GCLC: variants seen among roughly 807,000 people sequenced by gnomAD.
The protein encoded by GCLC is glutamate-cysteine ligase catalytic subunit, also known as glutamate--cysteine ligase catalytic subunit.
GCLC carries 30 observed loss-of-function variants against 81.5 expected under a neutral mutation model. That is an observed-to-expected ratio of 0.37 (90% CI 0.28 to 0.50). The LOEUF is 0.50. Ranked by LOEUF, GCLC falls within the 20% of genes least tolerant of loss-of-function variation. The pLI, the probability that GCLC is intolerant of heterozygous loss-of-function variation, is 0.96. For missense variants in GCLC, 556 were observed against 777.4 expected (o/e 0.72, Z 3.39); for synonymous variants, 262 against 273.3 (o/e 0.96, Z 0.41).
At chr6:53,514,390 A>G in intron 5 of GCLC, 49 bp downstream of exon 5, 1 of 1,590,902 alleles carries the variant, frequency 6.3e-7, no homozygotes, top group South Asian at 1.1e-5. Flanking sequence ...GGATTAAACA[A>G]CAATACAACA....
At position 53,531,468 on chromosome 6, in the gene GCLC, A is replaced by T. The variant is rs564222382; in HGVS notation, c.151-8941T>A. 3.9e-5 allele frequency among the ~76,000 whole-genome samples: 6 copies of T among 152,252 alleles called. No individual in the cohort carries two copies. The East Asian group carries it at 1.2e-3, about 29-fold the overall frequency. On this transcript the variant is annotated intron_variant, in intron 1 of 15. Coordinates refer to ENST00000650454, the MANE Select transcript of GCLC (RefSeq NM_001498.4). Reference sequence around the variant, plus strand: ...CAAGCAGGTCAAGTCACTCTCCTTGAAACTCTTAAATGGCTCACACTCAGC... The same window carrying T: ...CAAGCAGGTCAAGTCACTCTCCTTGTAACTCTTAAATGGCTCACACTCAGC...
chr6:53,544,527 C>T lies in GCLC; in HGVS notation c.119G>A (p.Arg40Gln). The change falls in exon 1 of 16, where the codon CGG becomes CAG. Residue 40 changes from arginine (R) to glutamine (Q), a missense_variant. Physicochemically the swap from Arg to Gln is conservative, Grantham distance 43. Transcript: ENST00000650454. ...GCCCCACTTGAGAACGTCCTTGTGC[C>T]GGTCCTTGACGGCGTGGTAGATGTG... ...FLHIYHAVKD[R>Q]HKDVLKWGDE... The T allele has an allele frequency of 6.2e-7, 1 of 1,609,044 alleles. No individual in the cohort carries two copies. The highest frequency in any genetic ancestry group is 8.5e-7 in the Non-Finnish European group (1 of 1,179,640).
In GCLC at chr6:53,499,039, T is replaced by C. The variant is rs1764445580; in HGVS notation, c.1703-72A>G. On this transcript the variant is annotated intron_variant, in intron 15 of 15. Coordinates refer to ENST00000650454, the MANE Select transcript of GCLC (RefSeq NM_001498.4). ...TTTTTTTTAATAAGTTGATATTTAG[T>C]GGTCAGCATAAACACAATTCTGGAG... 6 of 916,176 alleles carry C rather than the reference T, an allele frequency of 6.5e-6. 1 individual carries two copies. The highest frequency in any genetic ancestry group is 5.2e-5 in the South Asian group (4 of 76,594). The allele number at this position is 916,176 out of a possible 1,614,324, so 56.8% of individuals were successfully genotyped here.
chr6:53,533,504 G>T (rs1763206309), intron 1 of GCLC, among the ~76,000 whole-genome samples: 1 of 152,040 alleles, frequency 6.6e-6, no homozygotes, highest in African/African-American at 2.4e-5. Context: ...AATTAATTAA[G>T]ATTACTTTTT....
intron 1 of GCLC, among the ~76,000 whole-genome samples, chr6:53,537,111 GCCTT>G (rs1298854765): frequency 6.6e-6 from 1 of 152,178 alleles, no homozygotes; most frequent in East Asian, 1.9e-4. Flanking sequence ...TGACCATAAT[GCCTT>G]CCTTTCTCCC....
At chr6:53,520,673 G>T in intron 3 of GCLC, 105 bp downstream of exon 3, 2 of 910,898 alleles carry the variant, frequency 2.2e-6, no homozygotes, top group Non-Finnish European at 3.7e-6. Context: ...TAAACCATCT[G>T]TAACGTATGA....
At chr6:53,524,446 T>A (rs1373757523) in intron 1 of GCLC, among the ~76,000 whole-genome samples, 1 of 152,204 alleles carries the variant, frequency 6.6e-6, no homozygotes. Context: ...ATGCTTTCAT[T>A]TCATGGAAGG....
intron 1 of GCLC, among the ~76,000 whole-genome samples, chr6:53,528,321 G>A (rs988133011): frequency 2.0e-5 from 3 of 152,144 alleles, no homozygotes; most frequent in African/African-American, 7.2e-5. Context: ...ATCACAAATA[G>A]GAAAACCACT....
At chr6:53,522,362 T>G (rs755784814) in intron 2 of GCLC, 53 bp downstream of exon 2, 1 of 1,019,202 alleles carries the variant, frequency 9.8e-7, no homozygotes, top group Non-Finnish European at 1.6e-6. Flanking sequence ...AAACTCTATA[T>G]TCTAGAAGTT....
chr6:53,541,727 TA>T (rs1269370462), intron 1 of GCLC, among the ~76,000 whole-genome samples: 4 of 152,334 alleles, frequency 2.6e-5, no homozygotes, highest in African/African-American at 2.4e-5. Flanking sequence ...AAATGAGGTT[TA>T]AAAAATCAAT....
At chr6:53,514,563 A>G in intron 4 of GCLC, 66 bp from the exon 5 acceptor site, 1 of 1,093,918 alleles carries the variant, frequency 9.1e-7, no homozygotes, top group East Asian at 2.4e-5. Flanking sequence ...GAAGAATTTG[A>G]TTACATACAA....
intron 3 of GCLC, among the ~76,000 whole-genome samples, chr6:53,518,112 A>G (rs1762914141): frequency 6.6e-6 from 1 of 152,190 alleles, no homozygotes; most frequent in African/African-American, 2.4e-5. Flanking sequence ...TTCAAGTCCC[A>G]AAATACCTTC....
chr6:53,519,872 T>TA (rs1026658266), intron 3 of GCLC, among the ~76,000 whole-genome samples: 86 of 146,112 alleles, frequency 5.9e-4, no homozygotes, highest in Middle Eastern at 3.4e-3. Flanking sequence ...AGTAGAGATA[T>TA]AAAAAAAAAA....
chr6:53,536,015 T>C (rs1763251350), intron 1 of GCLC, among the ~76,000 whole-genome samples: 1 of 152,222 alleles, frequency 6.6e-6, no homozygotes, highest in Non-Finnish European at 1.5e-5. Context: ...AATTTTTTTA[T>C]AATAGTGAAA....
rs372056100 is a variant in GCLC, at chr6:53,498,879, C to A, written c.1791G>T (p.Met597Ile). 7.5e-5 allele frequency: 121 copies of A among 1,611,866 alleles called. No individual in the cohort carries two copies. Among genetic ancestry groups the A allele is most frequent in the Middle Eastern group, 1.6e-4 (1 of 6,084 alleles). Residue 597 changes from methionine to isoleucine, a missense_variant, in exon 16 of 16, where the codon ATG (methionine) becomes ATT (isoleucine). This residue lies in a region of GCLC where 313 missense variants were observed against 437.3 expected (regional missense o/e 0.72). Transcript: ENST00000650454. ...YKQDSVITDEMNYSLILKCNQ... is the reference protein window; with the variant it reads ...YKQDSVITDEINYSLILKCNQ... The stretch of plus-strand genomic sequence containing the variant: ...TACACTTCAAAATAAGGCTATAATT[C>A]ATTTCATCAGTTATGACACTGTCTT...
chr6:53,537,679 TA>T (rs936253737), intron 1 of GCLC, among the ~76,000 whole-genome samples: 16 of 150,898 alleles, frequency 1.1e-4, no homozygotes, highest in African/African-American at 4.9e-5. Flanking sequence ...AGAAATACAA[TA>T]AAAAATTACT....
At position 53,511,888 on chromosome 6, in the gene GCLC, T is replaced by C. The variant is rs1211842854; in HGVS notation, c.753+2316A>G. 4.0e-5 allele frequency among the ~76,000 whole-genome samples: 2 copies of C among 49,912 alleles called. 1 individual carries two copies. The highest frequency in any genetic ancestry group is 8.2e-4 in the Admixed American group (2 of 2,436). 32.7% of individuals were successfully genotyped at this position (49,912 alleles called of 152,430 possible). On this transcript the variant is annotated intron_variant, in intron 6 of 15. Transcript: ENST00000650454. ...CTTTATCTACAACCCAGATTTGAAG[T>C]CACATGACTTTGGGGGGGGGGGTGG...
intron 3 of GCLC, among the ~76,000 whole-genome samples, chr6:53,516,990 G>A (rs1202640927): frequency 6.6e-6 from 1 of 151,706 alleles, no homozygotes; most frequent in Non-Finnish European, 1.5e-5. Context: ...CAAAGACTAA[G>A]CGAAAGCCAA....
intron 4 of GCLC, among the ~76,000 whole-genome samples, chr6:53,514,977 G>A (rs1764837204): frequency 6.6e-6 from 1 of 152,114 alleles, no homozygotes; most frequent in African/African-American, 2.4e-5. Context: ...GAAGCTACCA[G>A]GCACACAGTG....
Sources: allele counts gnomAD v4.1 joint callset (sites outside exome capture counted in the v4.1 genomes callset), GRCh38; gene constraint gnomAD v4.1.1; regional missense constraint gnomAD v4.1.1; transcripts MANE v1.5; gene names NCBI Gene and HGNC (gene_info 2026-07-23, HGNC 2026-07-21).